Variants in POFUT3 observed in about 807,000 individuals in gnomAD.
POFUT3 encodes the protein protein O-fucosyltransferase 3, also known as GDP-fucose protein O-fucosyltransferase 3.
chr8:33,318,754 A>C, the POFUT3 span, among the ~76,000 whole-genome samples: 2 of 65,856 alleles, frequency 3.0e-5, no homozygotes, highest in African/African-American at 7.0e-5. Context: ...TATAATATAT[A>C]AATATATTGT....
the POFUT3 span, among the ~76,000 whole-genome samples, chr8:33,323,263 A>T: frequency 2.0e-5 from 3 of 152,160 alleles, no homozygotes; most frequent in African/African-American, 7.2e-5. Context: ...ATGTCTGCAA[A>T]CCCCATCACA....
At chr8:33,361,361 C>T in the POFUT3 span, 1 of 152,148 alleles carries the variant, frequency 6.6e-6, no homozygotes, top group Admixed American at 6.5e-5. Flanking sequence ...CTGGACTTGC[C>T]AGCTCACTTC....
chr8:33,436,751 G>A, the POFUT3 span: 4 of 583,470 alleles, frequency 6.9e-6, no homozygotes, highest in Non-Finnish European at 1.2e-5. Context: ...TTGCAGCACG[G>A]ACGCTTCTGA....
chr8:33,404,850 G>A, the POFUT3 span, among the ~76,000 whole-genome samples: 10 of 151,776 alleles, frequency 6.6e-5, no homozygotes, highest in Non-Finnish European at 8.8e-5. Flanking sequence ...CTACACTTGC[G>A]CCCCATAAAT....
the POFUT3 span, among the ~76,000 whole-genome samples, chr8:33,392,300 G>A: frequency 2.0e-5 from 3 of 152,158 alleles, no homozygotes; most frequent in East Asian, 3.9e-4. Flanking sequence ...TTTTGGCATG[G>A]CACAATGGCT....
At chr8:33,328,998 G>A in the POFUT3 span, among the ~76,000 whole-genome samples, 1 of 152,042 alleles carries the variant, frequency 6.6e-6, no homozygotes. Flanking sequence ...GTGACATTTA[G>A]GTATTTTATG....
the POFUT3 span, among the ~76,000 whole-genome samples, chr8:33,398,103 G>C: frequency 6.6e-6 from 1 of 152,148 alleles, no homozygotes; most frequent in Non-Finnish European, 1.5e-5. Context: ...TGGGAGAAAG[G>C]AGTAATTATT....
At chr8:33,457,101 A>G in the POFUT3 span, among the ~76,000 whole-genome samples, 1 of 152,220 alleles carries the variant, frequency 6.6e-6, no homozygotes. Context: ...CAAAAACATA[A>G]AACTTGAGAC....
chr8:33,317,763 C>A, the POFUT3 span, among the ~76,000 whole-genome samples: 1 of 152,020 alleles, frequency 6.6e-6, no homozygotes, highest in East Asian at 1.9e-4. Context: ...GCAAGCAAAC[C>A]CCAGTTTGGG....
the POFUT3 span, among the ~76,000 whole-genome samples, chr8:33,398,307 T>C: frequency 2.0e-5 from 3 of 152,292 alleles, no homozygotes; most frequent in African/African-American, 4.8e-5. Context: ...ACCGTTCAGA[T>C]TCAAAAATTA....
chr8:33,416,701 C>T, the POFUT3 span, among the ~76,000 whole-genome samples: 1 of 151,864 alleles, frequency 6.6e-6, no homozygotes, highest in Non-Finnish European at 1.5e-5. Flanking sequence ...CAAAAATTAG[C>T]TGGGTGTGGT....
chr8:33,328,492 G>A, the POFUT3 span, among the ~76,000 whole-genome samples: 4 of 152,110 alleles, frequency 2.6e-5, no homozygotes, highest in African/African-American at 9.7e-5. Context: ...CTTTTCACAT[G>A]GGGGTGATTC....
the POFUT3 span, among the ~76,000 whole-genome samples, chr8:33,390,252 A>G: frequency 1.3e-5 from 2 of 152,036 alleles, no homozygotes; most frequent in African/African-American, 2.4e-5. Context: ...TGTCACTGCA[A>G]AGTGCCTGGC....
the POFUT3 span, among the ~76,000 whole-genome samples, chr8:33,451,561 T>C: frequency 3.3e-5 from 5 of 151,938 alleles, no homozygotes; most frequent in African/African-American, 1.2e-4. Context: ...TGTGTATGTA[T>C]GTGTATATAT....
the POFUT3 span, chr8:33,388,883 C>A: frequency 8.7e-7 from 1 of 1,144,604 alleles, no homozygotes; most frequent in Admixed American, 1.7e-5. Context: ...GAGGTGGCAA[C>A]AACAGAAGGA....
At chr8:33,372,842 T>C in the POFUT3 span, 14 of 1,582,938 alleles carry the variant, frequency 8.8e-6, no homozygotes, top group Non-Finnish European at 8.6e-6. Flanking sequence ...TAAAAACATA[T>C]GATAATGAAG....
chr8:33,320,419 T>C, the POFUT3 span, among the ~76,000 whole-genome samples: 1 of 152,112 alleles, frequency 6.6e-6, no homozygotes, highest in Non-Finnish European at 1.5e-5. Context: ...TGACCAAGTT[T>C]AAATTCTTCT....
At chr8:33,457,199 G>A in the POFUT3 span, among the ~76,000 whole-genome samples, 2 of 152,196 alleles carry the variant, frequency 1.3e-5, no homozygotes, top group African/African-American at 4.8e-5. Context: ...TGTACTCCCA[G>A]CATTTTGGGA....
the POFUT3 span, among the ~76,000 whole-genome samples, chr8:33,417,970 G>A: frequency 5.3e-5 from 8 of 152,206 alleles, no homozygotes; most frequent in East Asian, 7.7e-4. Context: ...TCACCCTCAC[G>A]TGCCCTGATA....
Sources: gnomAD v4.1 joint callset for allele counts (sites outside exome capture counted in the v4.1 genomes callset) on GRCh38, gnomAD v4.1.1 for gene constraint, MANE v1.5 for transcripts, NCBI Gene and HGNC (gene_info 2026-07-23, HGNC 2026-07-21) for gene names.